The following AGBL4 variants were observed in gnomAD, a reference collection of about 807,000 sequenced individuals.
AGBL4 encodes AGBL carboxypeptidase 4, also known as cytosolic carboxypeptidase 6.
AGBL4 carries 58 observed loss-of-function variants against 66.4 expected under a neutral mutation model. The ratio of observed to expected loss-of-function variants is 0.87; its 90% CI spans 0.71 to 1.09. AGBL4 has a LOEUF of 1.09. Ranked by LOEUF, AGBL4 falls within the 50% of genes least tolerant of loss-of-function variation. AGBL4 has a pLI of 0.00. For missense variants in AGBL4, 579 were observed against 631.0 expected (o/e 0.92, Z 0.88); for synonymous variants, 234 against 222.9 (o/e 1.05, Z -0.44).
intron 3 of AGBL4, among the ~76,000 whole-genome samples, chr1:49,604,136 CTT>C (rs1349718570): frequency 3.3e-5 from 5 of 152,234 alleles, no homozygotes; most frequent in African/African-American, 1.2e-4. Flanking sequence ...ACTTTTAGTT[CTT>C]TGAGAAATCT....
chr1:49,968,193 G>A (rs950151794), intron 1 of AGBL4, among the ~76,000 whole-genome samples: 3 of 149,224 alleles, frequency 2.0e-5, no homozygotes, highest in East Asian at 2.0e-4. Context: ...ATTGCATTCC[G>A]GCCTGGGCAA....
chr1:49,882,000 C>G (rs1193520765), intron 1 of AGBL4, among the ~76,000 whole-genome samples: 2 of 152,046 alleles, frequency 1.3e-5, no homozygotes, highest in Admixed American at 1.3e-4. Context: ...AGGTTTTCTT[C>G]TAGGGTTTTT....
chr1:49,913,250 G>T (rs1651039362), intron 1 of AGBL4, among the ~76,000 whole-genome samples: 2 of 152,154 alleles, frequency 1.3e-5, no homozygotes, highest in South Asian at 4.1e-4. Flanking sequence ...ATCGAAGCAA[G>T]TTATCTACTT....
chr1:49,195,964 G>A (rs1430758784), intron 4 of AGBL4, among the ~76,000 whole-genome samples: 1 of 152,004 alleles, frequency 6.6e-6, no homozygotes, highest in African/African-American at 2.4e-5. Context: ...TTTCATAAGG[G>A]GCTTTTCTCA....
At chr1:49,103,851 A>T (rs1271965920) in intron 4 of AGBL4, among the ~76,000 whole-genome samples, 2 of 152,164 alleles carry the variant, frequency 1.3e-5, no homozygotes, top group African/African-American at 4.8e-5. Flanking sequence ...AATCTCTTTC[A>T]TCTATGTATC....
chr1:49,260,327 T>C (rs1475409633), intron 3 of AGBL4, among the ~76,000 whole-genome samples: 185 of 149,414 alleles, frequency 1.2e-3, no homozygotes, highest in African/African-American at 4.0e-3. Flanking sequence ...CTGAAGGAAA[T>C]AGAGACACAA....
intron 3 of AGBL4, among the ~76,000 whole-genome samples, chr1:49,335,617 G>T (rs1343081652): frequency 2.6e-5 from 4 of 151,914 alleles, no homozygotes; most frequent in African/African-American, 4.8e-5. Flanking sequence ...CCAGGTTCAT[G>T]CCATTCTCCT....
chr1:49,742,874 T>C (rs1323671860), intron 2 of AGBL4, among the ~76,000 whole-genome samples: 1 of 152,128 alleles, frequency 6.6e-6, no homozygotes, highest in African/African-American at 2.4e-5. Flanking sequence ...ACCGGATCCC[T>C]CTCTTACACT....
At chr1:49,999,038 C>T (rs1164617190) in intron 1 of AGBL4, among the ~76,000 whole-genome samples, 2 of 152,068 alleles carry the variant, frequency 1.3e-5, no homozygotes, top group African/African-American at 2.4e-5. Context: ...AGGATGCCCA[C>T]TTTCACCACT....
intron 5 of AGBL4, among the ~76,000 whole-genome samples, chr1:48,900,179 G>A (rs947622231): frequency 1.3e-5 from 2 of 152,126 alleles, no homozygotes; most frequent in African/African-American, 4.8e-5. Flanking sequence ...GGAGTATAGA[G>A]ATGGGGACCA....
chr1:49,990,919 A>G (rs1447103083), intron 1 of AGBL4, among the ~76,000 whole-genome samples: 1 of 152,234 alleles, frequency 6.6e-6, no homozygotes, highest in Non-Finnish European at 1.5e-5. Context: ...TGTTGTAAAG[A>G]TGCACTATTA....
chr1:49,223,818 T>C (rs182657155), intron 4 of AGBL4, among the ~76,000 whole-genome samples: 1 of 152,342 alleles, frequency 6.6e-6, no homozygotes, highest in African/African-American at 2.4e-5. Flanking sequence ...ACATCAGTTA[T>C]TGACCAGCCC....
intron 2 of AGBL4, among the ~76,000 whole-genome samples, chr1:49,713,820 G>T (rs934834442): frequency 3.3e-5 from 5 of 151,894 alleles, no homozygotes; most frequent in African/African-American, 1.2e-4. Context: ...TTAAGAGATA[G>T]GGTATTTGTA....
chr1:48,687,568 A>G (rs538122419), intron 6 of AGBL4, among the ~76,000 whole-genome samples: 2 of 152,360 alleles, frequency 1.3e-5, no homozygotes, highest in African/African-American at 4.8e-5. Context: ...TGGTGATCTC[A>G]GATGGGGCTG....
At chr1:49,967,895 T>C (rs1024501977) in intron 1 of AGBL4, among the ~76,000 whole-genome samples, 4 of 151,846 alleles carry the variant, frequency 2.6e-5, no homozygotes, top group Admixed American at 1.3e-4. Context: ...CTTTACAGGG[T>C]TTTTTCAAGA....
chr1:48,739,256 C>T (rs974598488), intron 6 of AGBL4, among the ~76,000 whole-genome samples: 36 of 152,340 alleles, frequency 2.4e-4, no homozygotes, highest in African/African-American at 7.7e-4. Context: ...CCTATAATCA[C>T]GACAGATTAA....
chr1:48,849,798 C>A (rs972561209), intron 6 of AGBL4, among the ~76,000 whole-genome samples: 4 of 152,130 alleles, frequency 2.6e-5, no homozygotes, highest in Admixed American at 6.5e-5. Flanking sequence ...CATGGTGAAA[C>A]CCTGTCTCTA....
At chr1:49,507,526 T>C (rs1648811546) in intron 3 of AGBL4, among the ~76,000 whole-genome samples, 1 of 152,028 alleles carries the variant, frequency 6.6e-6, no homozygotes, top group Admixed American at 6.6e-5. Context: ...TGTGTGAAGT[T>C]GAACACTTTT....
intron 3 of AGBL4, among the ~76,000 whole-genome samples, chr1:49,681,582 C>T (rs1646694029): frequency 6.6e-6 from 1 of 152,152 alleles, no homozygotes; most frequent in Non-Finnish European, 1.5e-5. Context: ...CTTTACTCCA[C>T]CTTTCATAGT....
Sources: gnomAD v4.1 joint callset for allele counts (sites outside exome capture counted in the v4.1 genomes callset) on GRCh38, gnomAD v4.1.1 for gene constraint, MANE v1.5 for transcripts, NCBI Gene and HGNC (gene_info 2026-07-23, HGNC 2026-07-21) for gene names.